Variants in EPB41L1 observed in about 807,000 individuals in gnomAD.
The protein encoded by EPB41L1 is erythrocyte membrane protein band 4.1 like 1.
Under a neutral mutation model 97.8 loss-of-function variants are expected in EPB41L1, and 29 were observed. That is an observed-to-expected ratio of 0.30 (90% CI 0.22 to 0.40). The LOEUF is 0.40. EPB41L1 is among the 10% of genes least tolerant of loss of function. EPB41L1 has a pLI of 1.00. For synonymous variants in EPB41L1, 383 were observed against 459.2 expected, an observed-to-expected ratio of 0.83 and a Z score of 2.12; for missense variants, 812 against 1,162.3, an observed-to-expected ratio of 0.70 and a Z score of 4.38.
chr20:36,172,449 T>C (rs189493421), intron 1 of EPB41L1, among the ~76,000 whole-genome samples: 1 of 152,362 alleles, frequency 6.6e-6, no homozygotes, highest in Admixed American at 6.5e-5. Context: ...TTTTCTCTCT[T>C]ATGTCACCCA....
intron 1 of EPB41L1, among the ~76,000 whole-genome samples, chr20:36,107,639 GGCCA>G (rs1037221066): frequency 0.025 from 13 of 530 alleles, no homozygotes; most frequent in Non-Finnish European, 0.039. Flanking sequence ...AGACCAGCCT[GGCCA>G]GCATGTGAAA....
chr20:36,179,107 T>C (rs1158811910), intron 5 of EPB41L1, among the ~76,000 whole-genome samples: 1 of 145,940 alleles, frequency 6.9e-6, no homozygotes, highest in East Asian at 2.0e-4. Context: ...AGAAAGAAAA[T>C]GCATTCAGAT....
chr20:36,212,206 AT>A lies in EPB41L1; in HGVS notation c.2080-64del. 6.7e-7 allele frequency: 1 copy of A among 1,495,042 alleles called. No individual in the cohort carries two copies. Among genetic ancestry groups the A allele is most frequent in the Non-Finnish European group, 9.3e-7 (1 of 1,072,588 alleles). 92.6% of individuals were successfully genotyped at this position (1,495,042 alleles called of 1,614,324 possible). A position where few individuals can be genotyped will look rare whatever the true frequency, so the allele number is the denominator to read the frequency against. On this transcript the variant is annotated intron_variant, in intron 15 of 21. Coordinates refer to ENST00000338074, the MANE Select transcript of EPB41L1 (RefSeq NM_012156.2). This position sits in a 1 kb window ranked among gnomAD's most constrained non-coding sequence, Gnocchi z 4.8. ...GATAGCCTGCAGACACCACACTGCAATTGTCTGTGAGCAAGGGTCATGCTAG... is the reference window on the plus strand; with the variant it reads ...GATAGCCTGCAGACACCACACTGCAATGTCTGTGAGCAAGGGTCATGCTAG...
chr20:36,162,537 G>A (rs1290377915), intron 1 of EPB41L1, among the ~76,000 whole-genome samples: 1 of 152,156 alleles, frequency 6.6e-6, no homozygotes, highest in Non-Finnish European at 1.5e-5. Context: ...CCCTTGTGCA[G>A]CTCAAATAAG....
intron 17 of EPB41L1, among the ~76,000 whole-genome samples, chr20:36,217,136 G>A (rs2063494575): frequency 6.6e-6 from 1 of 152,204 alleles, no homozygotes; most frequent in African/African-American, 2.4e-5. Context: ...TTAGTGACAA[G>A]CGTGTGTTGG....
intron 21 of EPB41L1, 41 bp from the exon 22 acceptor site, chr20:36,229,284 TCCCCCCA>T: frequency 1.4e-6 from 2 of 1,440,976 alleles, no homozygotes; most frequent in Non-Finnish European, 1.9e-6. Context: ...TTCCTTCCTT[TCCCCCCA>T]CTCCCCACCC....
At chr20:36,126,830 G>A (rs1016121301) in intron 2 of EPB41L1, among the ~76,000 whole-genome samples, 3 of 152,178 alleles carry the variant, frequency 2.0e-5, no homozygotes, top group African/African-American at 4.8e-5. Context: ...TAGATTACCC[G>A]TCTAATTTTC....
At position 36,190,462 on chromosome 20, in the gene EPB41L1, A is replaced by G. The variant is rs1349672273; in HGVS notation, c.1124+88A>G. On this transcript the variant is annotated intron_variant, in intron 10 of 21. Transcript: ENST00000338074. The surrounding 1 kb of genome is among the most constrained non-coding windows in gnomAD (Gnocchi z 5.8). ...AGGGGGAGGAGTTAGTGAGAACTCT[A>G]GGAAAGTCCTCCACCCTTTCCCCAA... The G allele has an allele frequency of 6.5e-7, 1 of 1,529,108 alleles. No individual in the cohort carries two copies. The highest frequency in any genetic ancestry group is 9.0e-7 in the Non-Finnish European group (1 of 1,114,884). 94.7% of individuals were successfully genotyped at this position (1,529,108 alleles called of 1,614,324 possible).
At chr20:36,194,126 C>A (rs139014428) in intron 11 of EPB41L1, 86 bp from the exon 12 acceptor site, 2 of 1,573,876 alleles carry the variant, frequency 1.3e-6, no homozygotes, top group East Asian at 4.5e-5. Flanking sequence ...CCACTCCAGG[C>A]GTGGTTGGGC....
At chr20:36,204,530 G>C (rs1298356323) in intron 14 of EPB41L1, among the ~76,000 whole-genome samples, 1 of 136,576 alleles carries the variant, frequency 7.3e-6, no homozygotes, top group South Asian at 2.4e-4. Context: ...GCCCAGGCTA[G>C]ATAGAGTGCA....
rs1600637183 is a variant in EPB41L1 at position 36,154,891 on chromosome 20, G to A, written c.-20G>A. ...ACCTGCCCGACATGGGGAACCCCGG[G>A]CCCAGGTAGGCACATGGGGGAATCA... On this transcript the variant is annotated 5_prime_UTR_variant, in exon 1 of 22. Transcript: ENST00000338074. The surrounding 1 kb of genome is among the most constrained non-coding windows in gnomAD (Gnocchi z 5.5). 1 of 1,030,338 alleles carries A rather than the reference G, an allele frequency of 9.7e-7. No individual in the cohort carries two copies. Among genetic ancestry groups the A allele is most frequent in the Admixed American group, 5.5e-5 (1 of 18,066 alleles). The allele number at this position is 1,030,338 out of a possible 1,614,324, so 63.8% of individuals were successfully genotyped here.
chr20:36,171,492 T>G (rs950582232), intron 1 of EPB41L1, among the ~76,000 whole-genome samples: 7 of 152,174 alleles, frequency 4.6e-5, no homozygotes, highest in Non-Finnish European at 7.4e-5. Context: ...CTCCTCATCT[T>G]CCTTCTAAAT....
intron 1 of EPB41L1, among the ~76,000 whole-genome samples, chr20:36,095,842 A>C (rs2057811956): frequency 1.3e-5 from 2 of 152,252 alleles, no homozygotes; most frequent in African/African-American, 4.8e-5. Flanking sequence ...CAGGAGTTCG[A>C]GAGCAGCCTG....
chr20:36,173,078 C>T (rs546232283), intron 1 of EPB41L1, among the ~76,000 whole-genome samples: 1 of 152,330 alleles, frequency 6.6e-6, no homozygotes, highest in East Asian at 1.9e-4. Context: ...AAGCATTTCT[C>T]TACGTTGCTC....
chr20:36,204,470 GCTTTT>G (rs1274531137), intron 14 of EPB41L1, among the ~76,000 whole-genome samples: 1 of 127,670 alleles, frequency 7.8e-6, no homozygotes, highest in African/African-American at 3.6e-5. Flanking sequence ...GCGATCTGGT[GCTTTT>G]TTTTTTTTTT....
chr20:36,137,130 A>G (rs1458559887), intron 2 of EPB41L1, among the ~76,000 whole-genome samples: 2 of 144,788 alleles, frequency 1.4e-5, no homozygotes, highest in African/African-American at 2.6e-5. Flanking sequence ...GCTAGAGTGC[A>G]GTGGCTCAAT....
Position 36,206,459 on chromosome 20 carries a change from C to T in EPB41L1, c.1669-3029C>T, listed in dbSNP as rs1184134215. The T allele has an allele frequency of 7.8e-7, 1 of 1,289,928 alleles. No individual in the cohort carries two copies. The highest frequency in any genetic ancestry group is 5.5e-5 in the East Asian group (1 of 18,030). 79.9% of individuals were successfully genotyped at this position (1,289,928 alleles called of 1,614,324 possible). On this transcript the variant is annotated intron_variant, in intron 14 of 21. Coordinates refer to ENST00000338074, the MANE Select transcript of EPB41L1 (RefSeq NM_012156.2). This position sits in a 1 kb window ranked among gnomAD's most constrained non-coding sequence, Gnocchi z 5.5. Reference sequence around the variant, plus strand: ...AGCAATGAAACTGATACTTCCTTTGCAGAGAGGAGCTTCTATTTAAATTAT... The same window carrying T: ...AGCAATGAAACTGATACTTCCTTTGTAGAGAGGAGCTTCTATTTAAATTAT...
intron 1 of EPB41L1, among the ~76,000 whole-genome samples, chr20:36,163,831 C>T (rs2060629148): frequency 6.6e-6 from 1 of 151,894 alleles, no homozygotes; most frequent in Non-Finnish European, 1.5e-5. Context: ...TCTCTCCTTC[C>T]ACCTTCTGAA....
At chr20:36,098,870 C>A (rs2057918364) in intron 1 of EPB41L1, among the ~76,000 whole-genome samples, 1 of 152,096 alleles carries the variant, frequency 6.6e-6, no homozygotes, top group South Asian at 2.1e-4. Context: ...CCTGTAATCC[C>A]AGCACTTTGG....
Sources: gnomAD v4.1 joint callset for allele counts (sites outside exome capture counted in the v4.1 genomes callset) on GRCh38, gnomAD v4.1.1 for gene constraint, Gnocchi (gnomAD v3.1) non-coding constraint, MANE v1.5 for transcripts, NCBI Gene and HGNC (gene_info 2026-07-23, HGNC 2026-07-21) for gene names.